The following TMTC1 variants were observed in gnomAD, a reference collection of about 807,000 sequenced individuals.
TMTC1 encodes protein O-mannosyl-transferase TMTC1.
TMTC1 carries 73 observed loss-of-function variants against 104.8 expected under a neutral mutation model. That is an observed-to-expected ratio of 0.70 (90% CI 0.58 to 0.85). The LOEUF (loss-of-function observed/expected upper bound fraction) is 0.85, where lower values mean the gene tolerates loss of function less well. Among genes scored for constraint, TMTC1 ranks in the 40% least tolerant of loss-of-function variants. The probability of loss-of-function intolerance (pLI) is 0.00; values close to 1 mark genes in which losing one functional copy is unlikely to be tolerated. For synonymous variants in TMTC1, 434 were observed against 428.7 expected (o/e 1.01, Z -0.15); for missense variants, 1,035 against 1,096.1 (o/e 0.94, Z 0.79).
chr12:29,536,945 T>C (rs1944662521), intron 10 of TMTC1, among the ~76,000 whole-genome samples: 1 of 152,154 alleles, frequency 6.6e-6, no homozygotes, highest in South Asian at 2.1e-4. Flanking sequence ...ATTTGGTTCT[T>C]CCCCCAGTGA....
chr12:29,609,057 G>A lies in TMTC1; in HGVS notation c.1129-4758C>T, dbSNP rs149289226. 4.1e-3 allele frequency among the ~76,000 whole-genome samples: 627 copies of A among 152,286 alleles called. 7 individuals carry two copies. The highest frequency in any genetic ancestry group is 0.014 in the African/African-American group (570 of 41,560). On this transcript the variant is annotated intron_variant, in intron 6 of 17. Coordinates refer to ENST00000539277, the MANE Select transcript of TMTC1 (RefSeq NM_001193451.2). ...TCAACACCGATGATACACACCGCAG[G>A]CTGTTCCCTTCCAGAGAGGTGGAAA...
At chr12:29,597,870 C>G (rs1327564313) in intron 7 of TMTC1, among the ~76,000 whole-genome samples, 4 of 152,164 alleles carry the variant, frequency 2.6e-5, no homozygotes, top group Non-Finnish European at 5.9e-5. Flanking sequence ...CTGCTCTTAT[C>G]ATCATGACAA....
Position 29,503,100 on chromosome 12 carries a change from A to C in TMTC1, c.*3746T>G, listed in dbSNP as rs1943629907. 6.6e-6 allele frequency: 1 copy of C among 152,232 alleles called. No homozygotes were observed. The highest frequency in any genetic ancestry group is 1.5e-5 in the Non-Finnish European group (1 of 68,038). The allele number at this position is 152,232 out of a possible 1,614,324, so 9.4% of individuals were successfully genotyped here. A position where few individuals can be genotyped will look rare whatever the true frequency, so the allele number is the denominator to read the frequency against. On this transcript the variant is annotated 3_prime_UTR_variant, in exon 18 of 18. Transcript: ENST00000539277. ...GACTGAAAGGCCGTTGCGCAGAGGC[A>C]TTCGCACAACTGCTGCAAAACCCTG... is the stretch of plus-strand genomic sequence containing the variant.
In TMTC1 at chr12:29,779,408, A is replaced by G. The variant is rs2120662724; in HGVS notation, c.302+4042T>C. ...CCACATCTTGGTAAGCTGCTTTCAT[A>G]TTCCACTGTCCCATCCCCTCAAAAC... On this transcript the variant is annotated intron_variant, in intron 1 of 17. Coordinates refer to ENST00000539277, the MANE Select transcript of TMTC1 (RefSeq NM_001193451.2). Among the ~76,000 whole-genome samples the G allele has an allele frequency of 2.0e-5, 3 of 152,360 alleles. No homozygotes were observed. The South Asian group carries it at 6.2e-4, about 32-fold the overall frequency.
chr12:29,570,844 T>TCAAAA (rs1565678249), intron 9 of TMTC1, among the ~76,000 whole-genome samples: 5 of 132,500 alleles, frequency 3.8e-5, no homozygotes, highest in African/African-American at 8.5e-5. Flanking sequence ...AGACTCCGTC[T>TCAAAA]CAAAACAAAA....
At chr12:29,686,224 C>A (rs2136735996) in intron 5 of TMTC1, among the ~76,000 whole-genome samples, 1 of 152,320 alleles carries the variant, frequency 6.6e-6, no homozygotes, top group Admixed American at 6.5e-5. Flanking sequence ...TCTCTCCAAT[C>A]CCTTCTGCAG....
At chr12:29,780,500 G>C (rs1488247711) in intron 1 of TMTC1, among the ~76,000 whole-genome samples, 1 of 152,162 alleles carries the variant, frequency 6.6e-6, no homozygotes, top group Non-Finnish European at 1.5e-5. Flanking sequence ...GGGGATTATG[G>C]ATTAGGCAGT....
chr12:29,750,062 TACACACACACAC>T (rs34859060), intron 5 of TMTC1, among the ~76,000 whole-genome samples: 6 of 146,648 alleles, frequency 4.1e-5, no homozygotes, highest in South Asian at 2.2e-4. Context: ...TAACTGTCTA[TACACACACACAC>T]ACACACACAC....
chr12:29,511,376 G>C (rs1001543584), intron 17 of TMTC1, among the ~76,000 whole-genome samples: 1 of 151,992 alleles, frequency 6.6e-6, no homozygotes, highest in African/African-American at 2.4e-5. Flanking sequence ...TGTATTCCCA[G>C]TGCCTAGCAG....
chr12:29,555,649 T>C (rs886208141), intron 10 of TMTC1, among the ~76,000 whole-genome samples: 1 of 152,168 alleles, frequency 6.6e-6, no homozygotes, highest in African/African-American at 2.4e-5. Flanking sequence ...GCAAAGGACA[T>C]GAACTCATCC....
chr12:29,730,845 G>C (rs1942527793), intron 5 of TMTC1, among the ~76,000 whole-genome samples: 1 of 152,144 alleles, frequency 6.6e-6, no homozygotes, highest in Non-Finnish European at 1.5e-5. Context: ...TTCAGTATTT[G>C]TTCAAAAGGC....
At chr12:29,592,075 A>C (rs1946296853) in intron 7 of TMTC1, among the ~76,000 whole-genome samples, 1 of 152,232 alleles carries the variant, frequency 6.6e-6, no homozygotes, top group African/African-American at 2.4e-5. Flanking sequence ...TTCTGCTATA[A>C]GTAGAACTGA....
intron 4 of TMTC1, among the ~76,000 whole-genome samples, chr12:29,753,115 G>GT (rs201105743): frequency 0.013 from 2,028 of 152,194 alleles, 35 homozygotes; most frequent in African/African-American, 0.045. Context: ...TTCTATTACT[G>GT]TTTCTTTCCT....
chr12:29,675,859 G>A (rs1940709466), intron 5 of TMTC1, among the ~76,000 whole-genome samples: 1 of 152,148 alleles, frequency 6.6e-6, no homozygotes, highest in African/African-American at 2.4e-5. Flanking sequence ...AAAATGGAAA[G>A]GAGGGAAGGA....
rs146407793 is a variant in TMTC1 at position 29,658,729 on chromosome 12, CT to C, written c.939-25394del. On this transcript the variant is annotated intron_variant, in intron 5 of 17. Coordinates refer to ENST00000539277, the MANE Select transcript of TMTC1 (RefSeq NM_001193451.2). ...TGCATGTATGTGGCCAAAGGAACAA[CT>C]CCATGTTTTCTAAAAGTCTTAGAGA... 1,861 of 212,050 alleles carry C rather than the reference CT, an allele frequency of 8.8e-3. 65 individuals carry two copies. The East Asian group carries it at 0.092, about 10-fold the overall frequency. The allele number at this position is 212,050 out of a possible 1,614,324, so 13.1% of individuals were successfully genotyped here.
intron 6 of TMTC1, among the ~76,000 whole-genome samples, chr12:29,605,551 C>G (rs1356760002): frequency 7.7e-6 from 1 of 130,048 alleles, no homozygotes; most frequent in South Asian, 2.4e-4. Context: ...TCATGATCTA[C>G]CAAAACTGAC....
intron 5 of TMTC1, among the ~76,000 whole-genome samples, chr12:29,641,953 G>T (rs986076250): frequency 1.9e-4 from 29 of 152,270 alleles, no homozygotes; most frequent in Admixed American, 5.9e-4. Context: ...TGCCTTGGAA[G>T]TTCTCAGCAA....
chr12:29,589,137 T>C (rs890372274), intron 7 of TMTC1, among the ~76,000 whole-genome samples: 4 of 152,228 alleles, frequency 2.6e-5, no homozygotes, highest in Non-Finnish European at 5.9e-5. Context: ...AGAATACATA[T>C]TTGACTATTC....
intron 5 of TMTC1, among the ~76,000 whole-genome samples, chr12:29,657,595 G>A (rs1939819428): frequency 6.7e-6 from 1 of 150,138 alleles, no homozygotes; most frequent in South Asian, 2.1e-4. Flanking sequence ...AAACACGTTG[G>A]AAGTAATGAA....
Sources: allele counts gnomAD v4.1 joint callset (sites outside exome capture counted in the v4.1 genomes callset), GRCh38; gene constraint gnomAD v4.1.1; transcripts MANE v1.5; gene names NCBI Gene and HGNC (gene_info 2026-07-23, HGNC 2026-07-21).